The following PHF21B variants were observed in gnomAD, a reference collection of about 807,000 sequenced individuals.
The protein encoded by PHF21B is PHD finger protein 21B, also known as PHD finger protein 4.
Under a neutral mutation model 62.2 loss-of-function variants are expected in PHF21B, and 22 were observed. The observed-to-expected ratio is 0.35, with a 90% CI of 0.25 to 0.51. The LOEUF is 0.51. Among genes scored for constraint, PHF21B ranks in the 20% least tolerant of loss-of-function variants. PHF21B has a pLI of 0.97. For missense variants in PHF21B, 701 were observed against 707.9 expected, an observed-to-expected ratio of 0.99 and a Z score of 0.11; for synonymous variants, 341 against 314.7, an observed-to-expected ratio of 1.08 and a Z score of -0.88.
At chr22:44,883,356 A>T in intron 12 of PHF21B, 52 bp from the exon 13 acceptor site, 1 of 1,556,302 alleles carries the variant, frequency 6.4e-7, no homozygotes, top group Non-Finnish European at 8.7e-7. Context: ...CTCTACAGCC[A>T]TCCTGGGGCA....
Position 45,009,805 on chromosome 22 carries a change from C to G in PHF21B, c.-256G>C, listed in dbSNP as rs1204601535. The G allele has an allele frequency of 1.1e-5, 2 of 186,802 alleles. No individual in the cohort carries two copies. The highest frequency in any genetic ancestry group is 4.8e-5 in the African/African-American group (2 of 41,878). The allele number at this position is 186,802 out of a possible 1,614,324, so 11.6% of individuals were successfully genotyped here. Reference sequence around the variant, plus strand: ...CGGCAAGTTGCGCCGGGTCCCCGGGCTGCCGGCGCGGCCCGGAGCATGGCC... The same window carrying G: ...CGGCAAGTTGCGCCGGGTCCCCGGGGTGCCGGCGCGGCCCGGAGCATGGCC... On this transcript the variant is annotated 5_prime_UTR_variant, in exon 1 of 13. Coordinates refer to ENST00000313237, the MANE Select transcript of PHF21B (RefSeq NM_138415.5). The surrounding 1 kb of genome is among the most constrained non-coding windows in gnomAD (Gnocchi z 5.9).
chr22:44,971,355 T>G (rs767898662), intron 2 of PHF21B: 11 of 152,216 alleles, frequency 7.2e-5, no homozygotes, highest in Non-Finnish European at 1.0e-4. Context: ...TTTCAGATGA[T>G]AAAGCATTGG....
At chr22:44,973,442 C>T (rs1443406192) in intron 2 of PHF21B, among the ~76,000 whole-genome samples, 1 of 152,134 alleles carries the variant, frequency 6.6e-6, no homozygotes, top group Admixed American at 6.6e-5. Context: ...AAGAGACAGG[C>T]GGAGACAGAG....
chr22:44,943,897 G>A (rs969518657), intron 2 of PHF21B, among the ~76,000 whole-genome samples: 3 of 152,146 alleles, frequency 2.0e-5, no homozygotes, highest in Admixed American at 2.0e-4. Context: ...CTAGCAACTG[G>A]GTCTCATGCA....
At chr22:44,931,644 G>A (rs1380482444) in intron 2 of PHF21B, among the ~76,000 whole-genome samples, 1 of 128,284 alleles carries the variant, frequency 7.8e-6, no homozygotes, top group Non-Finnish European at 1.8e-5. Context: ...TGATCTTGGG[G>A]GGGGGGTGTC....
intron 2 of PHF21B, among the ~76,000 whole-genome samples, chr22:44,953,070 G>A (rs970591137): frequency 3.3e-5 from 5 of 152,164 alleles, no homozygotes; most frequent in African/African-American, 7.2e-5. Context: ...CAACTGCTAC[G>A]ATGGCTTCAG....
intron 5 of PHF21B, among the ~76,000 whole-genome samples, chr22:44,909,343 GA>G (rs770598184): frequency 2.2e-4 from 33 of 152,242 alleles, no homozygotes; most frequent in Non-Finnish European, 4.4e-4. Flanking sequence ...AGAGAGGACA[GA>G]AGGGTCATCA....
chr22:44,887,633 T>C lies in PHF21B; in HGVS notation c.1197+330A>G, dbSNP rs147478965. Reference sequence around the variant, plus strand: ...ATCCGGGTGTGGTGGTGGGCGCCTATAACCCCAGCTACTTGAGAGGCTGAG... The same window carrying C: ...ATCCGGGTGTGGTGGTGGGCGCCTACAACCCCAGCTACTTGAGAGGCTGAG... On this transcript the variant is annotated intron_variant, in intron 10 of 12. Transcript: ENST00000313237. Among the ~76,000 whole-genome samples the C allele has an allele frequency of 2.5e-3, 369 of 150,518 alleles. 6 individuals are homozygous for C. In the East Asian group the frequency reaches 0.041, roughly 17 times the overall value.
chr22:44,935,565 G>A (rs1354061131), intron 2 of PHF21B, among the ~76,000 whole-genome samples: 1 of 151,782 alleles, frequency 6.6e-6, no homozygotes, highest in Non-Finnish European at 1.5e-5. Context: ...AGTGAGCCGA[G>A]ATCGAGCCAC....
intron 9 of PHF21B, among the ~76,000 whole-genome samples, chr22:44,888,432 G>T (rs2070898784): frequency 6.6e-6 from 1 of 152,160 alleles, no homozygotes. Context: ...CTGGACCCCA[G>T]GTGCGGGCGA....
At chr22:44,893,148 G>A (rs867374172) in intron 7 of PHF21B, among the ~76,000 whole-genome samples, 7 of 152,332 alleles carry the variant, frequency 4.6e-5, no homozygotes, top group East Asian at 1.9e-4. Context: ...GCCTGTGACC[G>A]GAGATTTGCC....
chr22:44,928,166 T>C (rs563333759), intron 2 of PHF21B, among the ~76,000 whole-genome samples: 2 of 152,096 alleles, frequency 1.3e-5, no homozygotes, highest in Non-Finnish European at 2.9e-5. Context: ...AGCGCTGGCT[T>C]TGACATCAGC....
intron 2 of PHF21B, among the ~76,000 whole-genome samples, chr22:44,938,308 AC>A (rs1244136441): frequency 6.6e-6 from 1 of 152,156 alleles, no homozygotes; most frequent in Non-Finnish European, 1.5e-5. Context: ...GACTTGGCTC[AC>A]TGCAACCTCT....
intron 5 of PHF21B, chr22:44,901,831 G>A (rs1053412549): frequency 5.0e-5 from 14 of 278,258 alleles, no homozygotes; most frequent in African/African-American, 3.1e-4. Context: ...AGAAAAAGGA[G>A]GAGAAGGTTC....
chr22:44,965,055 C>G (rs1310333997), intron 2 of PHF21B, among the ~76,000 whole-genome samples: 1 of 152,160 alleles, frequency 6.6e-6, no homozygotes. Context: ...TATGGGGGGG[C>G]TCCCAACAGG....
chr22:44,929,593 C>T (rs925167066), intron 2 of PHF21B, among the ~76,000 whole-genome samples: 87 of 152,354 alleles, frequency 5.7e-4, no homozygotes, highest in Middle Eastern at 3.4e-3. Flanking sequence ...TGGACTGGCG[C>T]TGGTCATGCC....
chr22:44,954,203 A>AT (rs1412272353), intron 2 of PHF21B, among the ~76,000 whole-genome samples: 2 of 152,010 alleles, frequency 1.3e-5, no homozygotes, highest in African/African-American at 4.8e-5. Flanking sequence ...TAAAAAAAAA[A>AT]TCCCCTTGGA....
chr22:44,992,600 G>A (rs979543606), intron 2 of PHF21B, among the ~76,000 whole-genome samples: 1 of 152,258 alleles, frequency 6.6e-6, no homozygotes, highest in East Asian at 1.9e-4. Flanking sequence ...GCACGTGTGG[G>A]TGGCAGAGCC....
At chr22:44,926,773 T>C (rs1046674425) in intron 2 of PHF21B, among the ~76,000 whole-genome samples, 52 of 152,086 alleles carry the variant, frequency 3.4e-4, no homozygotes, top group African/African-American at 1.1e-3. Flanking sequence ...GGGGTGGCCA[T>C]GTATCCGTGT....
Sources: gnomAD v4.1 joint callset for allele counts (sites outside exome capture counted in the v4.1 genomes callset) on GRCh38, gnomAD v4.1.1 for gene constraint, Gnocchi (gnomAD v3.1) non-coding constraint, MANE v1.5 for transcripts, NCBI Gene and HGNC (gene_info 2026-07-23, HGNC 2026-07-21) for gene names.